The following ARID1B variants were observed in gnomAD, a reference collection of about 807,000 sequenced individuals.
ARID1B encodes AT-rich interactive domain-containing protein 1B.
A neutral mutation model predicts 212.3 loss-of-function variants in ARID1B; 30 were observed. The observed-to-expected ratio is 0.14, with a 90% CI of 0.11 to 0.19. ARID1B has a LOEUF of 0.19. ARID1B is among the 10% of genes least tolerant of loss of function. The pLI is 1.00. For missense variants in ARID1B, 2,891 were observed against 3,204.0 expected (o/e 0.90, Z 2.36); for synonymous variants, 1,402 against 1,301.7 (o/e 1.08, Z -1.66).
chr6:157,147,972 G>A (rs985070648), intron 7 of ARID1B, among the ~76,000 whole-genome samples: 25 of 129,112 alleles, frequency 1.9e-4, no homozygotes, highest in Non-Finnish European at 3.5e-4. Flanking sequence ...GCCGTGTGCC[G>A]TGCTTGTGCT....
chr6:156,962,361 C>G (rs561097411), intron 4 of ARID1B, among the ~76,000 whole-genome samples: 1 of 152,262 alleles, frequency 6.6e-6, no homozygotes, highest in African/African-American at 2.4e-5. Flanking sequence ...CCTGTAATGT[C>G]TTTAAACAGT....
At chr6:156,952,873 T>G (rs941444566) in intron 4 of ARID1B, among the ~76,000 whole-genome samples, 1 of 152,358 alleles carries the variant, frequency 6.6e-6, no homozygotes, top group African/African-American at 2.4e-5. Flanking sequence ...TATGACTTTC[T>G]TCGAGTAAGC....
At chr6:156,816,614 T>C (rs1399970008) in intron 1 of ARID1B, among the ~76,000 whole-genome samples, 1 of 152,194 alleles carries the variant, frequency 6.6e-6, no homozygotes, top group Non-Finnish European at 1.5e-5. Context: ...GAAGGCAGGC[T>C]GCTGGACTCA....
chr6:156,961,062 C>A (rs1794338636), intron 4 of ARID1B, among the ~76,000 whole-genome samples: 1 of 152,168 alleles, frequency 6.6e-6, no homozygotes. Context: ...AAAGAAATCA[C>A]CCTCTTGGGA....
At chr6:156,921,931 T>G (rs1145108) in intron 3 of ARID1B, among the ~76,000 whole-genome samples, 4,026 of 152,250 alleles carry the variant, frequency 0.026, 90 homozygotes, top group Non-Finnish European at 0.038. Context: ...TCAGACAACT[T>G]TTGAGATTAA....
At chr6:157,029,957 C>G (rs1780923509) in intron 4 of ARID1B, among the ~76,000 whole-genome samples, 1 of 152,182 alleles carries the variant, frequency 6.6e-6, no homozygotes, top group Non-Finnish European at 1.5e-5. Flanking sequence ...GTGTTCTTGC[C>G]TGGAACTCTG....
intron 2 of ARID1B, among the ~76,000 whole-genome samples, chr6:156,829,977 T>C (rs1260647830): frequency 1.3e-5 from 2 of 152,216 alleles, no homozygotes; most frequent in African/African-American, 4.8e-5. Context: ...TGTTAGGTCT[T>C]GATGGGTTTT....
At chr6:157,205,611 T>G (rs1273585742) in intron 19 of ARID1B, 1 of 152,386 alleles carries the variant, frequency 6.6e-6, no homozygotes, top group Admixed American at 6.5e-5. Context: ...GCTACCACAT[T>G]GCTGAAATTA....
chr6:156,931,590 A>G (rs1333007868), intron 3 of ARID1B, among the ~76,000 whole-genome samples: 3 of 152,194 alleles, frequency 2.0e-5, no homozygotes, highest in Non-Finnish European at 2.9e-5. Flanking sequence ...GCACTTTGGC[A>G]GGAGAATCAC....
chr6:157,007,644 T>C (rs1779322897), intron 4 of ARID1B, among the ~76,000 whole-genome samples: 1 of 151,964 alleles, frequency 6.6e-6, no homozygotes, highest in African/African-American at 2.4e-5. Flanking sequence ...AGAAGATAAT[T>C]GCAAAGAAAA....
chr6:157,063,814 T>C (rs1003751013), intron 4 of ARID1B, among the ~76,000 whole-genome samples: 2 of 152,196 alleles, frequency 1.3e-5, no homozygotes, highest in African/African-American at 4.8e-5. Flanking sequence ...TGACATTCCT[T>C]TAGCAAATGT....
intron 1 of ARID1B, among the ~76,000 whole-genome samples, chr6:156,824,022 A>T (rs941089973): frequency 2.6e-5 from 4 of 152,208 alleles, no homozygotes; most frequent in Non-Finnish European, 5.9e-5. Flanking sequence ...CTGACATGTA[A>T]TATAGCTGAA....
chr6:156,999,098 G>T (rs9322593), intron 4 of ARID1B, among the ~76,000 whole-genome samples: 29,761 of 152,172 alleles, frequency 0.2, 3,184 homozygotes, highest in East Asian at 0.4. Context: ...CCTGGTGGCT[G>T]TGGCGGTGCT....
chr6:156,982,376 A>G (rs1777656224), intron 4 of ARID1B, among the ~76,000 whole-genome samples: 1 of 148,040 alleles, frequency 6.8e-6, no homozygotes, highest in Non-Finnish European at 1.5e-5. Flanking sequence ...GGAAACTGTT[A>G]GGGTTTTCGC....
intron 4 of ARID1B, among the ~76,000 whole-genome samples, chr6:156,967,704 C>G (rs2128338435): frequency 6.6e-6 from 1 of 152,220 alleles, no homozygotes; most frequent in African/African-American, 2.4e-5. Flanking sequence ...AAGCTTTAGA[C>G]TTTTCTGAAT....
chr6:157,074,649 T>C (rs576854090), intron 4 of ARID1B, among the ~76,000 whole-genome samples: 1 of 152,308 alleles, frequency 6.6e-6, no homozygotes, highest in Non-Finnish European at 1.5e-5. Context: ...GTCTCTCCCT[T>C]GTTCAAAGGT....
chr6:157,207,012 C>T lies in ARID1B; in HGVS notation c.6240C>T (p.Phe2080=), dbSNP rs376317262. 16 of 1,614,108 alleles carry T rather than the reference C, an allele frequency of 9.9e-6. No individual in the cohort carries two copies. The highest frequency in any genetic ancestry group is 1.3e-5 in the African/African-American group (1 of 74,932). The change falls in exon 20 of 20, where the codon TTC becomes TTT. Residue 2080 remains phenylalanine, a synonymous_variant. Coordinates refer to ENST00000636930, the MANE Select transcript of ARID1B (RefSeq NM_001374828.1). The surrounding 1 kb of genome is among the most constrained non-coding windows in gnomAD (Gnocchi z 8.5). The part of the protein sequence containing the change: ...CVSNIVRSLS[F]VPGNDAEMSK... ...CCAATATTGTCCGTAGCTTGTCATT[C>T]GTGCCTGGCAATGATGCCGAAATGT...
chr6:156,781,444 C>G (rs1779259540), intron 1 of ARID1B, among the ~76,000 whole-genome samples: 1 of 151,946 alleles, frequency 6.6e-6, no homozygotes, highest in African/African-American at 2.4e-5. Flanking sequence ...TTAAAAAATC[C>G]TAATCTGTTA....
intron 4 of ARID1B, among the ~76,000 whole-genome samples, chr6:157,021,659 G>T (rs938574372): frequency 1.8e-4 from 28 of 152,172 alleles, no homozygotes; most frequent in African/African-American, 6.8e-4. Context: ...CCCCGCGGAA[G>T]GAGGCGCCGG....
Sources: allele counts gnomAD v4.1 joint callset (sites outside exome capture counted in the v4.1 genomes callset), GRCh38; gene constraint gnomAD v4.1.1; non-coding constraint Gnocchi (gnomAD v3.1); transcripts MANE v1.5; gene names NCBI Gene and HGNC (gene_info 2026-07-23, HGNC 2026-07-21).